Variants in ARSJ observed in about 807,000 individuals in gnomAD.
ARSJ encodes the protein arylsulfatase J.
A neutral mutation model predicts 35.9 loss-of-function variants in ARSJ; 26 were observed. The observed-to-expected ratio is 0.72, with a 90% confidence interval of 0.53 to 1.00. The LOEUF (loss-of-function observed/expected upper bound fraction) is 1.00. Among genes scored for constraint, ARSJ ranks in the 50% least tolerant of loss-of-function variants. The pLI is 0.00. For synonymous variants in ARSJ, 294 were observed against 267.6 expected, an observed-to-expected ratio of 1.10 and a Z score of -0.96; for missense variants, 667 against 723.6, an observed-to-expected ratio of 0.92 and a Z score of 0.90.
intron 1 of ARSJ, among the ~76,000 whole-genome samples, chr4:113,936,467 AAT>A (rs1324118493): frequency 6.6e-6 from 1 of 151,990 alleles, no homozygotes; most frequent in Admixed American, 6.6e-5. Context: ...AAGACAGAAA[AAT>A]AGTTTTTCAT....
chr4:113,901,954 C>T lies in ARSJ; in HGVS notation c.*320G>A. 2.2e-6 allele frequency: 1 copy of T among 455,492 alleles called. No individual in the cohort carries two copies. Among genetic ancestry groups the T allele is most frequent in the Non-Finnish European group, 3.8e-6 (1 of 259,768 alleles). The allele number at this position is 455,492 out of a possible 1,614,324, so 28.2% of individuals were successfully genotyped here. ...GCGGATGGTAGGTTATTGTTCTCCTCCTATAATTCAAAGCAGTGTTTGGTC... is the reference window on the plus strand; with the variant it reads ...GCGGATGGTAGGTTATTGTTCTCCTTCTATAATTCAAAGCAGTGTTTGGTC... On this transcript the variant is annotated 3_prime_UTR_variant, in exon 2 of 2. Transcript: ENST00000315366.
At chr4:113,928,901 C>A (rs1438074912) in intron 1 of ARSJ, among the ~76,000 whole-genome samples, 1 of 152,128 alleles carries the variant, frequency 6.6e-6, no homozygotes, top group African/African-American at 2.4e-5. Flanking sequence ...TCTCCCTAAG[C>A]CTTTGGATCC....
At chr4:113,956,657 A>G (rs1244748883) in intron 1 of ARSJ, among the ~76,000 whole-genome samples, 3 of 152,130 alleles carry the variant, frequency 2.0e-5, no homozygotes, top group Admixed American at 6.6e-5. Flanking sequence ...GATAAATTGT[A>G]TCTTCACAGG....
chr4:113,918,261 A>G (rs908927592), intron 1 of ARSJ, among the ~76,000 whole-genome samples: 48 of 152,298 alleles, frequency 3.2e-4, no homozygotes, highest in African/African-American at 1.2e-3. Context: ...AAATCCAGCT[A>G]TCTTCTATTA....
intron 1 of ARSJ, among the ~76,000 whole-genome samples, chr4:113,912,627 AT>A (rs1341905232): frequency 3.3e-5 from 5 of 152,126 alleles, no homozygotes; most frequent in Non-Finnish European, 7.4e-5. Context: ...TTACAAAAAA[AT>A]GTATAGGTTC....
chr4:113,949,784 A>G (rs564654967), intron 1 of ARSJ, among the ~76,000 whole-genome samples: 1 of 152,250 alleles, frequency 6.6e-6, no homozygotes, highest in South Asian at 2.1e-4. Context: ...AGGCAAAAAG[A>G]GTGAAAACTG....
chr4:113,914,074 A>G (rs1290372444), intron 1 of ARSJ, among the ~76,000 whole-genome samples: 2 of 152,086 alleles, frequency 1.3e-5, no homozygotes, highest in African/African-American at 4.8e-5. Flanking sequence ...CCTGGGTTCA[A>G]GTGATTTTCC....
intron 1 of ARSJ, among the ~76,000 whole-genome samples, chr4:113,924,018 T>A (rs1293287551): frequency 1.9e-4 from 7 of 36,816 alleles, no homozygotes; most frequent in Admixed American, 8.8e-4. Flanking sequence ...ATCTATAGAA[T>A]CTACATATAT....
intron 1 of ARSJ, among the ~76,000 whole-genome samples, chr4:113,948,067 T>C (rs1725611912): frequency 6.6e-6 from 1 of 152,052 alleles, no homozygotes; most frequent in Admixed American, 6.6e-5. Context: ...TGCACACATG[T>C]AGTTCCAGCT....
chr4:113,902,517 G>C lies in ARSJ; in HGVS notation c.1557C>G (p.Leu519=), dbSNP rs2099667427. 6.2e-7 allele frequency: 1 copy of C among 1,614,124 alleles called. No homozygotes were observed. The highest frequency in any genetic ancestry group is 2.2e-5 in the East Asian group (1 of 44,872). The change falls in exon 2 of 2, where the codon CTC becomes CTG. Residue 519 remains leucine (L), a synonymous_variant. Transcript: ENST00000315366. The stretch of plus-strand genomic sequence containing the variant: ...TGTTGAACTGTGAGAGCCTCCGTAG[G>C]AGCTTCTTCACGATTCCTGGATACC... ...SNRYPGIVKK[L]LRRLSQFNKT...
At chr4:113,976,256 T>C (rs17484497) in intron 1 of ARSJ, among the ~76,000 whole-genome samples, 4,430 of 152,338 alleles carry the variant, frequency 0.029, 92 homozygotes, top group Middle Eastern at 0.061. Flanking sequence ...ATGTCACACT[T>C]CACATAACCC....
chr4:113,974,319 A>T (rs1284331981), intron 1 of ARSJ, among the ~76,000 whole-genome samples: 1 of 152,098 alleles, frequency 6.6e-6, no homozygotes, highest in Non-Finnish European at 1.5e-5. Flanking sequence ...AAATCGCTAA[A>T]AAAAACCAAA....
At chr4:113,923,164 G>A (rs1337917263) in intron 1 of ARSJ, among the ~76,000 whole-genome samples, 3 of 152,066 alleles carry the variant, frequency 2.0e-5, no homozygotes, top group African/African-American at 7.2e-5. Context: ...AGTCTCCATG[G>A]CTGCATGAGC....
At chr4:113,956,396 G>T (rs573117605) in intron 1 of ARSJ, among the ~76,000 whole-genome samples, 1 of 152,096 alleles carries the variant, frequency 6.6e-6, no homozygotes, top group East Asian at 1.9e-4. Flanking sequence ...AAAATGGGAA[G>T]AAATGTTTTA....
At chr4:113,903,700 T>C (rs1473279209) in intron 1 of ARSJ, 25 bp from the exon 2 acceptor site, 7 of 1,574,278 alleles carry the variant, frequency 4.4e-6, no homozygotes, top group Non-Finnish European at 6.1e-6. Flanking sequence ...AAAAAATTGT[T>C]ATCAGGGCAG....
chr4:113,929,037 C>A (rs1225547159), intron 1 of ARSJ, among the ~76,000 whole-genome samples: 1 of 152,092 alleles, frequency 6.6e-6, no homozygotes, highest in Admixed American at 6.6e-5. Flanking sequence ...CATCGAGCTG[C>A]AACATTAAAA....
intron 1 of ARSJ, among the ~76,000 whole-genome samples, chr4:113,958,393 C>T (rs1276301141): frequency 6.6e-6 from 1 of 152,004 alleles, no homozygotes; most frequent in Non-Finnish European, 1.5e-5. Context: ...GCACAAAAGG[C>T]ATTATCAATA....
intron 1 of ARSJ, among the ~76,000 whole-genome samples, chr4:113,958,581 A>AT (rs1181745045): frequency 6.6e-5 from 10 of 151,916 alleles, no homozygotes; most frequent in Non-Finnish European, 1.3e-4. Context: ...TAGATTGGTT[A>AT]TTTTTTTCTC....
chr4:113,910,661 T>A (rs549191558), intron 1 of ARSJ, among the ~76,000 whole-genome samples: 1 of 152,272 alleles, frequency 6.6e-6, no homozygotes, highest in South Asian at 2.1e-4. Flanking sequence ...TAATTATATC[T>A]TCTGGAAAGG....
Sources: allele counts gnomAD v4.1 joint callset (sites outside exome capture counted in the v4.1 genomes callset), GRCh38; gene constraint gnomAD v4.1.1; transcripts MANE v1.5; gene names NCBI Gene and HGNC (gene_info 2026-07-23, HGNC 2026-07-21).